Variants in TNFRSF19 observed in about 807,000 individuals in gnomAD.
TNFRSF19 encodes the protein TNF receptor superfamily member 19.
Under a neutral mutation model 46.4 loss-of-function variants are expected in TNFRSF19, and 27 were observed. That is an observed-to-expected ratio of 0.58 (90% CI 0.43 to 0.80). The LOEUF is 0.80. Among genes scored for constraint, TNFRSF19 ranks in the 30% least tolerant of loss-of-function variants. The pLI is 0.00. For synonymous variants in TNFRSF19, 204 were observed against 205.0 expected, an observed-to-expected ratio of 1.00 and a Z score of 0.04; for missense variants, 511 against 530.8, an observed-to-expected ratio of 0.96 and a Z score of 0.37.
intron 3 of TNFRSF19, among the ~76,000 whole-genome samples, chr13:23,613,294 C>A (rs1393897346): frequency 6.6e-6 from 1 of 152,202 alleles, no homozygotes; most frequent in African/African-American, 2.4e-5. Flanking sequence ...CCTCACACAA[C>A]CTTTAGGGCA....
At chr13:23,606,121 TTG>T (rs1880494785) in intron 3 of TNFRSF19, among the ~76,000 whole-genome samples, 1 of 152,102 alleles carries the variant, frequency 6.6e-6, no homozygotes, top group African/African-American at 2.4e-5. Context: ...CTGTAAAAAA[TTG>T]TGTTTCTAAA....
chr13:23,671,000 A>G (rs891233902), intron 9 of TNFRSF19, among the ~76,000 whole-genome samples: 1 of 152,236 alleles, frequency 6.6e-6, no homozygotes, highest in Non-Finnish European at 1.5e-5. Flanking sequence ...AGACTAAGGA[A>G]TGAAACGTCT....
chr13:23,646,686 G>A (rs985531810), intron 5 of TNFRSF19, among the ~76,000 whole-genome samples: 4 of 152,180 alleles, frequency 2.6e-5, no homozygotes, highest in African/African-American at 9.7e-5. Flanking sequence ...CTAGTCATCT[G>A]CTGATGGACG....
At chr13:23,655,572 A>C (rs540687750) in intron 5 of TNFRSF19, among the ~76,000 whole-genome samples, 1 of 152,344 alleles carries the variant, frequency 6.6e-6, no homozygotes, top group South Asian at 2.1e-4. Context: ...TAGTCAAGGC[A>C]TGTGAGTGGA....
At chr13:23,626,678 A>T (rs1411632670) in intron 4 of TNFRSF19, 29 bp from the exon 5 acceptor site, 1 of 1,606,748 alleles carries the variant, frequency 6.2e-7, no homozygotes, top group South Asian at 1.1e-5. Context: ...TGAAAGAGTT[A>T]ACAAGGAGTA....
intron 5 of TNFRSF19, among the ~76,000 whole-genome samples, chr13:23,645,666 T>C (rs1883287982): frequency 6.6e-6 from 1 of 152,174 alleles, no homozygotes; most frequent in South Asian, 2.1e-4. Context: ...CTACCTGCAT[T>C]CTGCCCTGGG....
chr13:23,607,037 A>G (rs538368996), intron 3 of TNFRSF19, among the ~76,000 whole-genome samples: 9 of 152,386 alleles, frequency 5.9e-5, no homozygotes, highest in Admixed American at 5.2e-4. Flanking sequence ...TCCAAGCTTT[A>G]CAAATCAAGG....
In TNFRSF19 at chr13:23,573,390, A is replaced by G. The variant is rs144538290; in HGVS notation, c.-35+2542A>G. On this transcript the variant is annotated intron_variant, in intron 1 of 9. Transcript: ENST00000248484. ...TGTCTAAACACAGTAGCTGCTACCC[A>G]TAATTTAACATAATTTAACACGTAA... 1.4e-3 allele frequency among the ~76,000 whole-genome samples: 206 copies of G among 152,276 alleles called. 2 individuals carry two copies. In the East Asian group the frequency reaches 0.032, roughly 24 times the overall value.
At chr13:23,571,551 A>G (rs1877633615) in intron 1 of TNFRSF19, among the ~76,000 whole-genome samples, 2 of 152,214 alleles carry the variant, frequency 1.3e-5, no homozygotes, top group South Asian at 4.1e-4. Context: ...CAAGGTTAAT[A>G]TTCCTAAATT....
At chr13:23,666,434 C>A (rs1321254085) in intron 7 of TNFRSF19, among the ~76,000 whole-genome samples, 2 of 152,124 alleles carry the variant, frequency 1.3e-5, no homozygotes, top group Non-Finnish European at 2.9e-5. Context: ...TATTTATATA[C>A]CTTAGTTAGT....
At chr13:23,572,841 C>T (rs556520549) in intron 1 of TNFRSF19, among the ~76,000 whole-genome samples, 1 of 152,300 alleles carries the variant, frequency 6.6e-6, no homozygotes, top group East Asian at 1.9e-4. Flanking sequence ...TTCTACTGAA[C>T]AAAACCCTTA....
At position 23,570,417 on chromosome 13, in the gene TNFRSF19, G is replaced by C. The variant is rs1374037384; in HGVS notation, c.-466G>C. 1 of 152,240 alleles carries C rather than the reference G, an allele frequency of 6.6e-6. No homozygotes were observed. The highest frequency in any genetic ancestry group is 1.5e-5 in the Non-Finnish European group (1 of 68,120). The allele number at this position is 152,240 out of a possible 1,614,324, so 9.4% of individuals were successfully genotyped here. On this transcript the variant is annotated 5_prime_UTR_variant, in exon 1 of 10. Transcript: ENST00000248484. ...ATAAAGCAGAACCCGCTGGCACTAG[G>C]AAAAGCTTCCAACACACAGTCCACA... is the stretch of plus-strand genomic sequence containing the variant.
intron 3 of TNFRSF19, among the ~76,000 whole-genome samples, chr13:23,597,123 A>C (rs1394790323): frequency 2.6e-5 from 4 of 152,238 alleles, no homozygotes; most frequent in Non-Finnish European, 5.9e-5. Flanking sequence ...TATAGCACTA[A>C]ATGCCCACAG....
intron 1 of TNFRSF19, chr13:23,579,674 G>T (rs140486913): frequency 0.01 from 1,539 of 152,570 alleles, 31 homozygotes; most frequent in African/African-American, 0.036. Context: ...CACGGGCGGA[G>T]TACTGCGCGG....
chr13:23,640,015 TTA>T (rs576340430), intron 5 of TNFRSF19, among the ~76,000 whole-genome samples: 7 of 152,146 alleles, frequency 4.6e-5, no homozygotes, highest in African/African-American at 1.7e-4. Context: ...TCAACTCACT[TTA>T]TAGTTTTAGA....
intron 3 of TNFRSF19, among the ~76,000 whole-genome samples, chr13:23,609,434 C>T (rs1347045809): frequency 6.6e-6 from 1 of 152,138 alleles, no homozygotes; most frequent in African/African-American, 2.4e-5. Context: ...CCTGAAGTAA[C>T]CACATTAGAC....
chr13:23,634,352 G>A (rs578114357), intron 5 of TNFRSF19, among the ~76,000 whole-genome samples: 2 of 152,228 alleles, frequency 1.3e-5, no homozygotes, highest in South Asian at 2.1e-4. Flanking sequence ...CCAATAAATC[G>A]AATTTCTCTG....
rs1220953674 is a variant in TNFRSF19, at chr13:23,674,555, A to G, written c.*1175A>G. The G allele has an allele frequency of 6.6e-6, 1 of 151,888 alleles. No homozygotes were observed. Among genetic ancestry groups the G allele is most frequent in the Non-Finnish European group, 1.5e-5 (1 of 67,968 alleles). The allele number at this position is 151,888 out of a possible 1,614,324, so 9.4% of individuals were successfully genotyped here. On this transcript the variant is annotated 3_prime_UTR_variant, in exon 10 of 10. Transcript: ENST00000248484. Reference sequence around the variant, plus strand: ...GTGCTTCTTTCTATTAAAGTGCTCCATCCCCTACCATCTACACATTAGCAT... The same window carrying G: ...GTGCTTCTTTCTATTAAAGTGCTCCGTCCCCTACCATCTACACATTAGCAT...
intron 3 of TNFRSF19, among the ~76,000 whole-genome samples, chr13:23,608,975 C>T (rs144005277): frequency 1.5e-3 from 234 of 152,328 alleles, no homozygotes; most frequent in Admixed American, 2.5e-3. Context: ...ATGCCAGATG[C>T]TGTTGCCCTG....
Sources: allele counts gnomAD v4.1 joint callset (sites outside exome capture counted in the v4.1 genomes callset), GRCh38; gene constraint gnomAD v4.1.1; transcripts MANE v1.5; gene names NCBI Gene and HGNC (gene_info 2026-07-23, HGNC 2026-07-21).